The following MYOM2 variants were observed in gnomAD, a reference collection of about 807,000 sequenced individuals.
The protein encoded by MYOM2 is myomesin 2.
In MYOM2, 254 loss-of-function variants were observed where a neutral mutation model predicts 187.6. The observed-to-expected ratio is 1.35, with a 90% CI of 1.22 to 1.50. The LOEUF is 1.50. MYOM2 is among the 40% of genes most tolerant of loss of function. The probability of loss-of-function intolerance (pLI) is 0.00; values close to 1 mark genes in which losing one functional copy is unlikely to be tolerated. For missense variants in MYOM2, 2,796 were observed against 1,924.0 expected, an observed-to-expected ratio of 1.45 and a Z score of -8.48; for synonymous variants, 981 against 753.8, an observed-to-expected ratio of 1.30 and a Z score of -4.94.
intron 28 of MYOM2, among the ~76,000 whole-genome samples, chr8:2,121,284 T>G (rs971178372): frequency 3.3e-5 from 5 of 152,148 alleles, no homozygotes; most frequent in African/African-American, 1.2e-4. Flanking sequence ...TTATTCTTTT[T>G]GTTGTTGTTG....
At chr8:2,100,636 T>C in intron 19 of MYOM2, 1 of 519,832 alleles carries the variant, frequency 1.9e-6, no homozygotes, top group Non-Finnish European at 3.4e-6. Flanking sequence ...TGTGGACTTC[T>C]GAATGATTCT....
At chr8:2,126,883 T>G (rs1415288631) in intron 31 of MYOM2, among the ~76,000 whole-genome samples, 1 of 85,048 alleles carries the variant, frequency 1.2e-5, no homozygotes, top group Non-Finnish European at 2.3e-5. Flanking sequence ...TGAGGGAGCA[T>G]TGAGAGAGGC....
At chr8:2,098,836 A>C in intron 18 of MYOM2, 21 bp from the exon 19 acceptor site, 1 of 1,599,428 alleles carries the variant, frequency 6.3e-7, no homozygotes, top group Non-Finnish European at 8.6e-7. Context: ...TCATGTATTA[A>C]TTTAAACAAA....
In MYOM2 at chr8:2,073,329, G is replaced by C; in HGVS notation, c.959-10G>C. 4 of 1,597,044 alleles carry C rather than the reference G, an allele frequency of 2.5e-6. No individual in the cohort carries two copies. The highest frequency in any genetic ancestry group is 3.4e-6 in the Non-Finnish European group (4 of 1,169,592). The stretch of plus-strand genomic sequence containing the variant: ...TTGGATGCAAACCTTCCGTGTTAAC[G>C]CTCTTTCAGACGTGCTGTTGAAAGA... On this transcript the variant is annotated splice_polypyrimidine_tract_variant and intron_variant, in intron 9 of 36. Coordinates refer to ENST00000262113, the MANE Select transcript of MYOM2 (RefSeq NM_003970.4).
At chr8:2,109,624 T>G in intron 25 of MYOM2, 93 bp downstream of exon 25, 1 of 1,353,224 alleles carries the variant, frequency 7.4e-7, no homozygotes, top group South Asian at 1.5e-5. Context: ...TCTGTCTGTT[T>G]CCATCCTTTT....
intron 25 of MYOM2, 128 bp downstream of exon 25, chr8:2,109,659 GAAGGTTGAC>G (rs1475353748): frequency 9.6e-6 from 10 of 1,043,664 alleles, no homozygotes; most frequent in African/African-American, 1.6e-5. Flanking sequence ...TTGGGGCATG[GAAGGTTGAC>G]AAGATGAATG....
intron 6 of MYOM2, among the ~76,000 whole-genome samples, chr8:2,059,835 C>A (rs1487004022): frequency 6.6e-6 from 1 of 151,604 alleles, no homozygotes; most frequent in African/African-American, 2.4e-5. Flanking sequence ...CTCCACTTCC[C>A]AGGATCAAGC....
chr8:2,054,730 G>C (rs943199622), intron 3 of MYOM2, among the ~76,000 whole-genome samples: 5 of 152,234 alleles, frequency 3.3e-5, no homozygotes, highest in African/African-American at 1.2e-4. Context: ...TCATCACAGT[G>C]CTGCGTGGCG....
In MYOM2 at chr8:2,054,477, C is replaced by T. The variant is rs546618577; in HGVS notation, c.263+2164C>T. ...AATCAGTGCATGACAAATGACGTTA[C>T]TGTGCACACGTGGGCTGAAGTGACG... On this transcript the variant is annotated intron_variant, in intron 3 of 36. Transcript: ENST00000262113. Among the ~76,000 whole-genome samples, 3 of 152,312 alleles carry T rather than the reference C, an allele frequency of 2.0e-5. No homozygotes were observed. The South Asian group carries it at 6.2e-4, about 32-fold the overall frequency.
intron 28 of MYOM2, among the ~76,000 whole-genome samples, chr8:2,119,663 G>C (rs1464441180): frequency 2.0e-5 from 3 of 152,168 alleles, no homozygotes; most frequent in Admixed American, 6.5e-5. Flanking sequence ...AGAGCGAGGG[G>C]AGTCAGGGTG....
intron 25 of MYOM2, among the ~76,000 whole-genome samples, chr8:2,114,455 T>G (rs11136467): frequency 0.13 from 20,056 of 151,374 alleles, 1,737 homozygotes; most frequent in Non-Finnish European, 0.2. Flanking sequence ...GTTGTATGCA[T>G]TATATATGAC....
chr8:2,072,519 A>T lies in MYOM2; in HGVS notation c.958+10A>T, dbSNP rs771222600. 6 of 1,610,800 alleles carry T rather than the reference A, an allele frequency of 3.7e-6. No individual in the cohort carries two copies. Among genetic ancestry groups the T allele is most frequent in the Non-Finnish European group, 5.1e-6 (6 of 1,179,408 alleles). On this transcript the variant is annotated intron_variant, in intron 9 of 36. Transcript: ENST00000262113. ...GAGTGGTACCGCGATGGTGAGTAGG[A>T]CACGGCCCAGACCCGGGCACACACC...
chr8:2,137,388 A>G (rs1585976062), intron 32 of MYOM2, among the ~76,000 whole-genome samples: 3 of 152,018 alleles, frequency 2.0e-5, no homozygotes, highest in African/African-American at 7.2e-5. Context: ...CTTCTTCGCA[A>G]GCGGGGAGCT....
At chr8:2,138,442 G>A (rs1798158229) in intron 32 of MYOM2, among the ~76,000 whole-genome samples, 1 of 152,224 alleles carries the variant, frequency 6.6e-6, no homozygotes, top group Admixed American at 6.5e-5. Flanking sequence ...TCCAGATGCG[G>A]GACTGAGAGA....
At chr8:2,115,112 A>G (rs986792965) in intron 25 of MYOM2, among the ~76,000 whole-genome samples, 3 of 151,946 alleles carry the variant, frequency 2.0e-5, no homozygotes, top group African/African-American at 4.8e-5. Flanking sequence ...TTTAATAATT[A>G]TCAAGAAGCA....
chr8:2,125,212 G>A (rs1244824709), intron 31 of MYOM2, among the ~76,000 whole-genome samples: 3 of 152,136 alleles, frequency 2.0e-5, no homozygotes, highest in Admixed American at 6.6e-5. Flanking sequence ...CAGCGGCTTC[G>A]CAGTTTCAGG....
intron 5 of MYOM2, among the ~76,000 whole-genome samples, chr8:2,057,998 G>GTTTTTTTTTTTTTT (rs572901199): frequency 3.7e-5 from 3 of 80,738 alleles, no homozygotes; most frequent in African/African-American, 4.8e-5. Context: ...TTTTCAGAGG[G>GTTTTTTTTTTTTTT]TTTTTTTTTT....
chr8:2,141,115 G>T (rs780473609), intron 33 of MYOM2, 26 bp from the exon 34 acceptor site: 2 of 1,605,506 alleles, frequency 1.2e-6, no homozygotes, highest in African/African-American at 1.3e-5. Context: ...GAAATGGTTA[G>T]TAACGTATGA....
At chr8:2,076,898 G>C (rs1443558732) in intron 11 of MYOM2, among the ~76,000 whole-genome samples, 1 of 152,200 alleles carries the variant, frequency 6.6e-6, no homozygotes, top group East Asian at 1.9e-4. Context: ...CCTGGGAAGT[G>C]TACTGCACAG....
Sources: gnomAD v4.1 joint callset for allele counts (sites outside exome capture counted in the v4.1 genomes callset) on GRCh38, gnomAD v4.1.1 for gene constraint, MANE v1.5 for transcripts, NCBI Gene and HGNC (gene_info 2026-07-23, HGNC 2026-07-21) for gene names.